Variants in KCNQ1OT1 observed in about 807,000 individuals in gnomAD.
KCNQ1OT1 encodes the protein KCNQ1 opposite strand/antisense transcript 1, also known as KCNQ1 antisense RNA 2 (non-protein coding).
chr11:2,649,976 ATTCT>A, exon 1 of KCNQ1OT1: 1 of 398,424 alleles, frequency 2.5e-6, no homozygotes, highest in African/African-American at 2.1e-5. Flanking sequence ...GGCATTCTTC[ATTCT>A]TTTTTATTGT....
At chr11:2,615,371 G>T in exon 1 of KCNQ1OT1, 1 of 397,908 alleles carries the variant, frequency 2.5e-6, no homozygotes, top group Non-Finnish European at 4.4e-6. Flanking sequence ...TTCCAATTTG[G>T]ATGCTATTCA....
chr11:2,655,981 A>G (rs1355697167), exon 1 of KCNQ1OT1: 3 of 398,490 alleles, frequency 7.5e-6, no homozygotes, highest in East Asian at 3.6e-5. Context: ...TGGGCAGCCA[A>G]CTGATGTGCA....
exon 1 of KCNQ1OT1, chr11:2,688,034 A>G (rs1850521464): frequency 5.0e-6 from 2 of 398,552 alleles, no homozygotes; most frequent in African/African-American, 2.1e-5. Context: ...TTGGGCAGGC[A>G]CACACTCCAC....
rs1257395905 is a variant in KCNQ1OT1, at chr11:2,613,876, A to G, written n.86119T>C. On this transcript the variant is annotated non_coding_transcript_exon_variant, in exon 1 of 1. Coordinates refer to ENST00000597346, the Ensembl canonical transcript of KCNQ1OT1. The surrounding 1 kb of genome is among the most constrained non-coding windows in gnomAD (Gnocchi z 4.8). The stretch of plus-strand genomic sequence containing the variant: ...TTTGTGTGTGTTTGCTCTTTATAAG[A>G]CATGATTATTTTCTCATTTCCCAAA... 1 of 398,444 alleles carries G rather than the reference A, an allele frequency of 2.5e-6. No individual in the cohort carries two copies. The highest frequency in any genetic ancestry group is 4.4e-6 in the Non-Finnish European group (1 of 226,056). The allele number at this position is 398,444 out of a possible 1,614,324, so 24.7% of individuals were successfully genotyped here.
chr11:2,662,117 AG>A lies in KCNQ1OT1; in HGVS notation n.37877del, dbSNP rs766768278. The stretch of plus-strand genomic sequence containing the variant: ...ACATGTGCGTGAAGGGCTGGGCTGG[AG>A]GGGACTGGAGCTCAAGGAGTCAGAC... On this transcript the variant is annotated non_coding_transcript_exon_variant, in exon 1 of 1. Transcript: ENST00000597346. 6.8e-6 allele frequency: 11 copies of A among 1,613,610 alleles called. No homozygotes were observed. In the East Asian group the frequency reaches 2.5e-4, roughly 36 times the overall value.
At chr11:2,660,126 GTCCTGGAGATT>G in exon 1 of KCNQ1OT1, 1 of 398,304 alleles carries the variant, frequency 2.5e-6, no homozygotes, top group East Asian at 3.6e-5. Flanking sequence ...CAAATCCAAG[GTCCTGGAGATT>G]TTCTCTTATG....
At chr11:2,655,832 A>C (rs1849836987) in exon 1 of KCNQ1OT1, 1 of 398,572 alleles carries the variant, frequency 2.5e-6, no homozygotes, top group East Asian at 3.6e-5. Flanking sequence ...CCAGCAGACA[A>C]TAACCTCTCC....
exon 1 of KCNQ1OT1, chr11:2,696,626 G>C: frequency 2.5e-6 from 1 of 398,664 alleles, no homozygotes; most frequent in Non-Finnish European, 4.4e-6. Flanking sequence ...GTGGAGTCCT[G>C]TTGAACTTAA....
chr11:2,684,122 G>T lies in KCNQ1OT1; in HGVS notation n.15873C>A, dbSNP rs1850445281. 3 of 398,562 alleles carry T rather than the reference G, an allele frequency of 7.5e-6. No individual in the cohort carries two copies. In the South Asian group the frequency reaches 3.8e-4, roughly 51 times the overall value. The allele number at this position is 398,562 out of a possible 1,614,324, so 24.7% of individuals were successfully genotyped here. ...GAACCCTTTCACATAGATTCTTAAG[G>T]GGACCGTTTCCCTTGAAGAATGGGG... On this transcript the variant is annotated non_coding_transcript_exon_variant, in exon 1 of 1. Transcript: ENST00000597346.
chr11:2,644,375 A>T (rs570779485), exon 1 of KCNQ1OT1: 2 of 398,116 alleles, frequency 5.0e-6, no homozygotes, highest in African/African-American at 2.1e-5. Flanking sequence ...GAAGCTTTCA[A>T]ATATGTTTTT....
In KCNQ1OT1 at chr11:2,677,669, T is replaced by C; in HGVS notation, n.22326A>G. The C allele has an allele frequency of 1.0e-5, 4 of 398,600 alleles. No homozygotes were observed. Among genetic ancestry groups the C allele is most frequent in the Non-Finnish European group, 1.8e-5 (4 of 226,050 alleles). The allele number at this position is 398,600 out of a possible 1,614,324, so 24.7% of individuals were successfully genotyped here. A position where few individuals can be genotyped will look rare whatever the true frequency, so the allele number is the denominator to read the frequency against. On this transcript the variant is annotated non_coding_transcript_exon_variant, in exon 1 of 1. Transcript: ENST00000597346. This position sits in a 1 kb window ranked among gnomAD's most constrained non-coding sequence, Gnocchi z 4.5. ...AACTGTTATTGCATATGAGATAAAA[T>C]AATATTTTAACTACTGTTATTTTTC...
Position 2,662,852 on chromosome 11 carries a change from T to C in KCNQ1OT1, n.37143A>G, listed in dbSNP as rs564802972. ...GAGGGTCACTTGTGGAAACTCTCCT[T>C]CTCTCTACCAACATTTTTCTAAAGG... On this transcript the variant is annotated non_coding_transcript_exon_variant, in exon 1 of 1. Transcript: ENST00000597346. 2.5e-5 allele frequency: 10 copies of C among 398,796 alleles called. No individual in the cohort carries two copies. In the South Asian group the frequency reaches 1.1e-3, roughly 46 times the overall value. 24.7% of individuals were successfully genotyped at this position (398,796 alleles called of 1,614,324 possible). A position where few individuals can be genotyped will look rare whatever the true frequency, so the allele number is the denominator to read the frequency against.
At position 2,670,949 on chromosome 11, in the gene KCNQ1OT1, C is replaced by G. The variant is rs568958123; in HGVS notation, n.29046G>C. The stretch of plus-strand genomic sequence containing the variant: ...CAAATTGGCAGGCCCAGCTTCATGC[C>G]TTCTTATGGTGCCCCAGAGCCCCTG... On this transcript the variant is annotated non_coding_transcript_exon_variant, in exon 1 of 1. Transcript: ENST00000597346. The surrounding 1 kb of genome is among the most constrained non-coding windows in gnomAD (Gnocchi z 4.9). The G allele has an allele frequency of 2.5e-6, 1 of 398,522 alleles. No homozygotes were observed. Among genetic ancestry groups the G allele is most frequent in the Non-Finnish European group, 4.4e-6 (1 of 226,104 alleles). The allele number at this position is 398,522 out of a possible 1,614,324, so 24.7% of individuals were successfully genotyped here.
At chr11:2,644,750 C>G (rs1160662641) in exon 1 of KCNQ1OT1, 1 of 398,472 alleles carries the variant, frequency 2.5e-6, no homozygotes, top group East Asian at 3.6e-5. Flanking sequence ...TTGGGCAGGG[C>G]ACTTTGGTTT....
exon 1 of KCNQ1OT1, chr11:2,641,422 A>C (rs1199848379): frequency 1.0e-5 from 4 of 397,590 alleles, no homozygotes; most frequent in South Asian, 1.3e-4. Flanking sequence ...CCTGTTGGCT[A>C]CTTGTATGTT....
exon 1 of KCNQ1OT1, chr11:2,681,772 C>T (rs1474667320): frequency 2.5e-6 from 1 of 398,380 alleles, no homozygotes; most frequent in Non-Finnish European, 4.4e-6. Flanking sequence ...GCCCTGGGAC[C>T]TGGGAGGACC....
chr11:2,646,404 G>T (rs1023555961), exon 1 of KCNQ1OT1: 3 of 398,492 alleles, frequency 7.5e-6, no homozygotes, highest in Non-Finnish European at 1.3e-5. Context: ...AGTTTTCATT[G>T]TGGAAATCTT....
rs1181255149 is a variant in KCNQ1OT1, at chr11:2,642,133, G to A, written n.57862C>T. On this transcript the variant is annotated non_coding_transcript_exon_variant, in exon 1 of 1. Coordinates refer to ENST00000597346, the Ensembl canonical transcript of KCNQ1OT1. The surrounding 1 kb of genome is among the most constrained non-coding windows in gnomAD (Gnocchi z 4.3). The stretch of plus-strand genomic sequence containing the variant: ...TTTTTTGGTTCCATCTGAATTTTAG[G>A]ATTTTTTCTATTTCCATGAAAAATG... 2.5e-6 allele frequency: 1 copy of A among 398,112 alleles called. No homozygotes were observed. The highest frequency in any genetic ancestry group is 4.4e-6 in the Non-Finnish European group (1 of 225,858). 24.7% of individuals were successfully genotyped at this position (398,112 alleles called of 1,614,324 possible).
Position 2,626,126 on chromosome 11 carries a change from T to C in KCNQ1OT1, n.73869A>G, listed in dbSNP as rs575901052. ...TATTGCCTGTGCCTTTGGTGTCGCA[T>C]ACAAGAAGCACTGCCAATGATGTAA... On this transcript the variant is annotated non_coding_transcript_exon_variant, in exon 1 of 1. Transcript: ENST00000597346. The surrounding 1 kb of genome is among the most constrained non-coding windows in gnomAD (Gnocchi z 4.0). 1.0e-5 allele frequency: 4 copies of C among 398,604 alleles called. No individual in the cohort carries two copies. In the East Asian group the frequency reaches 1.4e-4, roughly 14 times the overall value. The allele number at this position is 398,604 out of a possible 1,614,324, so 24.7% of individuals were successfully genotyped here. A position where few individuals can be genotyped will look rare whatever the true frequency, so the allele number is the denominator to read the frequency against.
Sources: gnomAD v4.1 joint callset for allele counts on GRCh38, gnomAD v4.1.1 for gene constraint, Gnocchi (gnomAD v3.1) non-coding constraint, MANE v1.5 for transcripts, NCBI Gene and HGNC (gene_info 2026-07-23, HGNC 2026-07-21) for gene names.